The following PPP2R2B variants were observed in gnomAD, a reference collection of about 807,000 sequenced individuals.
PPP2R2B encodes the protein serine/threonine-protein phosphatase 2A 55 kDa regulatory subunit B beta isoform.
A neutral mutation model predicts 46.0 loss-of-function variants in PPP2R2B; 5 were observed. The observed-to-expected ratio is 0.11, with a 90% CI of 0.06 to 0.23. PPP2R2B has a LOEUF of 0.23. PPP2R2B is among the 10% of genes least tolerant of loss of function. The pLI is 1.00. For missense variants in PPP2R2B, 367 were observed against 575.0 expected, an observed-to-expected ratio of 0.64 and a Z score of 3.70; for synonymous variants, 215 against 206.7, an observed-to-expected ratio of 1.04 and a Z score of -0.34.
In PPP2R2B at chr5:146,878,090, C is replaced by G. The variant is rs374377794; in HGVS notation, c.-19G>C. The G allele has an allele frequency of 7.4e-6, 12 of 1,614,164 alleles. No homozygotes were observed. Among genetic ancestry groups the G allele is most frequent in the Non-Finnish European group, 1.0e-5 (12 of 1,180,022 alleles). On this transcript the variant is annotated 5_prime_UTR_variant, in exon 2 of 10. Coordinates refer to ENST00000394411, the MANE Select transcript of PPP2R2B (RefSeq NM_181675.4). This position sits in a 1 kb window ranked among gnomAD's most constrained non-coding sequence, Gnocchi z 4.5. ...CCTCCATTGACAGCAGGCTTACTTG[C>G]GTGGGAACCAGAAGCCGGCAGACAA...
intron 1 of PPP2R2B, among the ~76,000 whole-genome samples, chr5:147,005,107 C>T (rs950576771): frequency 2.0e-5 from 3 of 152,150 alleles, no homozygotes; most frequent in Admixed American, 2.0e-4. Flanking sequence ...GTGAGGCCCT[C>T]AACCCTGCCA....
intron 1 of PPP2R2B, among the ~76,000 whole-genome samples, chr5:146,892,215 A>C (rs541015552): frequency 2.6e-4 from 40 of 152,326 alleles, no homozygotes; most frequent in Admixed American, 2.2e-3. Flanking sequence ...TAGAAGAGCA[A>C]AGGTCAATTC....
intron 6 of PPP2R2B, among the ~76,000 whole-genome samples, chr5:146,645,155 G>A (rs531860694): frequency 2.0e-5 from 3 of 152,314 alleles, no homozygotes; most frequent in Admixed American, 6.5e-5. Flanking sequence ...TGAACACAGC[G>A]TATTTGTTTG....
chr5:146,767,539 TAC>T lies in PPP2R2B; in HGVS notation c.71-66399_71-66398del, dbSNP rs112893364. ...ATTATGACTCCAATACACACATACA[TAC>T]ACACACACACACACACCTATATATA... On this transcript the variant is annotated intron_variant, in intron 2 of 9. Coordinates refer to ENST00000394411, the MANE Select transcript of PPP2R2B (RefSeq NM_181675.4). 1.0e-3 allele frequency among the ~76,000 whole-genome samples: 152 copies of T among 150,418 alleles called. 1 individual carries two copies. In the East Asian group the frequency reaches 0.012, roughly 12 times the overall value.
rs1762793317 is a variant in PPP2R2B, at chr5:146,900,539, T to TTC, written c.79+155125_79+155126insGA. On this transcript the variant is annotated intron_variant, in intron 1 of 8. Coordinates refer to the PPP2R2B transcript ENST00000336640. Reference sequence around the variant, plus strand: ...CCTTTCTTTCTCCTTTCCTTTCCTTTCTTTTTCCTTCCTTTCTTCCTTCCT... The same window carrying TTC: ...CCTTTCTTTCTCCTTTCCTTTCCTTTTCCTTTTTCCTTCCTTTCTTCCTTCCT... Among the ~76,000 whole-genome samples the TTC allele has an allele frequency of 4.7e-5, 5 of 105,942 alleles. No individual in the cohort carries two copies. The South Asian group carries it at 1.4e-3, about 29-fold the overall frequency. 69.5% of individuals were successfully genotyped at this position (105,942 alleles called of 152,430 possible).
In PPP2R2B at chr5:147,055,702, AG is replaced by A; in HGVS notation, c.41del (p.Pro14LeufsTer20). The stretch of plus-strand genomic sequence containing the variant: ...AGCTGGAAGAAAGGATGGTGTTCGG[AG>A]GTCTGAAGATGTAAGGCAGGTAACG... On this transcript the variant is annotated frameshift_variant, in exon 1 of 9. Coordinates refer to the PPP2R2B transcript ENST00000336640. LOFTEE classifies it high-confidence loss of function. 1 of 1,613,160 alleles carries A rather than the reference AG, an allele frequency of 6.2e-7. No homozygotes were observed. The highest frequency in any genetic ancestry group is 8.5e-7 in the Non-Finnish European group (1 of 1,179,272).
At chr5:146,900,364 G>C (rs73796041) in intron 1 of PPP2R2B, among the ~76,000 whole-genome samples, 2,910 of 152,226 alleles carry the variant, frequency 0.019, 95 homozygotes, top group African/African-American at 0.066. Flanking sequence ...TGTAGAAACA[G>C]GGAGAACCAT....
chr5:146,691,883 A>G (rs1217246854), intron 4 of PPP2R2B, among the ~76,000 whole-genome samples: 1 of 152,004 alleles, frequency 6.6e-6, no homozygotes, highest in Admixed American at 6.6e-5. Flanking sequence ...TTTTCGTATA[A>G]TTTGCTCCTT....
intron 1 of PPP2R2B, among the ~76,000 whole-genome samples, chr5:146,961,274 A>G (rs1049801060): frequency 2.0e-5 from 3 of 152,192 alleles, no homozygotes; most frequent in African/African-American, 4.8e-5. Context: ...ATGAACACCA[A>G]TGTAGGTAAA....
intron 1 of PPP2R2B, among the ~76,000 whole-genome samples, chr5:146,925,268 T>C (rs866778910): frequency 2.6e-5 from 4 of 152,234 alleles, no homozygotes; most frequent in South Asian, 2.1e-4. Context: ...ATTTGTGCTA[T>C]CATAGAGTAC....
At chr5:146,918,300 G>A (rs1016076370) in intron 1 of PPP2R2B, 1 of 152,162 alleles carries the variant, frequency 6.6e-6, no homozygotes, top group Non-Finnish European at 1.5e-5. Context: ...AGCCTTTCAG[G>A]ATTTCCATGT....
At chr5:146,955,774 C>CT (rs5872000) in intron 1 of PPP2R2B, among the ~76,000 whole-genome samples, 3,108 of 115,660 alleles carry the variant, frequency 0.027, 144 homozygotes, top group African/African-American at 0.07. Context: ...CTTTCTATTA[C>CT]TTTTTTTTTT....
chr5:146,780,044 A>C (rs556546739), intron 2 of PPP2R2B, among the ~76,000 whole-genome samples: 1 of 152,298 alleles, frequency 6.6e-6, no homozygotes, highest in South Asian at 2.1e-4. Context: ...CAAAATTGCA[A>C]AACAATGATG....
upstream of PPP2R2B, among the ~76,000 whole-genome samples, chr5:146,883,462 A>G (rs772635102): frequency 5.3e-5 from 8 of 152,232 alleles, no homozygotes; most frequent in Non-Finnish European, 1.0e-4. Flanking sequence ...GTCTTAATGA[A>G]CAATTAGAAA....
intron 2 of PPP2R2B, among the ~76,000 whole-genome samples, chr5:146,723,556 C>A (rs933921405): frequency 6.6e-6 from 1 of 152,074 alleles, no homozygotes; most frequent in Non-Finnish European, 1.5e-5. Context: ...GAATAATGCT[C>A]GTTATTGTGA....
At chr5:147,042,330 C>T (rs1180901471) in intron 1 of PPP2R2B, among the ~76,000 whole-genome samples, 5 of 152,030 alleles carry the variant, frequency 3.3e-5, no homozygotes, top group African/African-American at 2.4e-5. Context: ...GCTAAACAAG[C>T]GGACTCAATT....
At chr5:146,716,925 C>G (rs1002536027) in intron 2 of PPP2R2B, among the ~76,000 whole-genome samples, 1 of 152,124 alleles carries the variant, frequency 6.6e-6, no homozygotes, top group African/African-American at 2.4e-5. Context: ...TCCCTGAAAA[C>G]AGAATAATAT....
At chr5:146,726,637 G>A (rs1411539104) in intron 2 of PPP2R2B, among the ~76,000 whole-genome samples, 2 of 152,184 alleles carry the variant, frequency 1.3e-5, no homozygotes, top group East Asian at 3.9e-4. Context: ...CCTAAAACCA[G>A]TTAGTAGTGG....
intron 1 of PPP2R2B, among the ~76,000 whole-genome samples, chr5:146,885,191 C>T (rs1762282126): frequency 1.3e-5 from 2 of 152,166 alleles, no homozygotes; most frequent in Admixed American, 1.3e-4. Context: ...CTAACAACAG[C>T]CTCTATACAG....
Sources: gnomAD v4.1 joint callset for allele counts (sites outside exome capture counted in the v4.1 genomes callset) on GRCh38, gnomAD v4.1.1 for gene constraint, Gnocchi (gnomAD v3.1) non-coding constraint, MANE v1.5 for transcripts, NCBI Gene and HGNC (gene_info 2026-07-23, HGNC 2026-07-21) for gene names.